The following ARHGAP26 variants were observed in gnomAD, a reference collection of about 807,000 sequenced individuals.
ARHGAP26 encodes the protein rho GTPase-activating protein 26.
A neutral mutation model predicts 104.8 loss-of-function variants in ARHGAP26; 38 were observed. That is an observed-to-expected ratio of 0.36 (90% CI 0.28 to 0.48). The LOEUF is 0.48. ARHGAP26 is among the 20% of genes least tolerant of loss of function. ARHGAP26 has a pLI of 0.99. For missense variants in ARHGAP26, 704 were observed against 947.9 expected (o/e 0.74, Z 3.38); for synonymous variants, 341 against 340.0 (o/e 1.00, Z -0.03).
chr5:142,958,841 A>G (rs1769687695), intron 11 of ARHGAP26, among the ~76,000 whole-genome samples: 1 of 151,426 alleles, frequency 6.6e-6, no homozygotes, highest in Non-Finnish European at 1.5e-5. Flanking sequence ...GGCCAGGGCC[A>G]GAGGATCACT....
chr5:142,828,694 A>T (rs867480716), intron 1 of ARHGAP26, among the ~76,000 whole-genome samples: 1 of 152,154 alleles, frequency 6.6e-6, no homozygotes, highest in Non-Finnish European at 1.5e-5. Context: ...GGTTGCTGTG[A>T]CTGGGGTAGT....
At chr5:143,107,752 G>C (rs947825882) in intron 17 of ARHGAP26, among the ~76,000 whole-genome samples, 6 of 152,128 alleles carry the variant, frequency 3.9e-5, no homozygotes, top group Non-Finnish European at 7.3e-5. Context: ...GACACGATCT[G>C]CTCTTCTCTG....
chr5:142,963,535 T>C (rs781685315), intron 11 of ARHGAP26, among the ~76,000 whole-genome samples: 15 of 152,104 alleles, frequency 9.9e-5, no homozygotes, highest in Non-Finnish European at 1.5e-4. Flanking sequence ...TACTTTTTAA[T>C]ATAGGAAGGC....
chr5:142,932,022 A>G, intron 10 of ARHGAP26, 25 bp from the exon 11 acceptor site: 1 of 1,610,882 alleles, frequency 6.2e-7, no homozygotes, highest in Non-Finnish European at 8.5e-7. Context: ...CTGGTTTCAT[A>G]TCCATGTCCC....
At chr5:143,094,651 G>A (rs992829890) in intron 17 of ARHGAP26, among the ~76,000 whole-genome samples, 2 of 152,256 alleles carry the variant, frequency 1.3e-5, no homozygotes, top group African/African-American at 2.4e-5. Flanking sequence ...ACTTGGACAA[G>A]GGAGGGGAAA....
At chr5:142,795,180 G>C (rs1760737053) in intron 1 of ARHGAP26, among the ~76,000 whole-genome samples, 1 of 151,530 alleles carries the variant, frequency 6.6e-6, no homozygotes. Context: ...ATAGACCTGG[G>C]TTCCAGTCCT....
Position 143,048,107 on chromosome 5 carries a change from C to A in ARHGAP26, c.1285+6217C>A, listed in dbSNP as rs150600242. On this transcript the variant is annotated intron_variant, in intron 14 of 22. Transcript: ENST00000645722. ...CAAGTGATCCACCCACCTTGGCCTC[C>A]CAAAGTGCTGGGATTATAAGGCGTG... Among the ~76,000 whole-genome samples, 2 of 152,188 alleles carry A rather than the reference C, an allele frequency of 1.3e-5. 1 individual carries two copies. The highest frequency in any genetic ancestry group is 4.1e-4 in the South Asian group (2 of 4,826).
At chr5:143,035,060 T>C (rs1782414745) in intron 12 of ARHGAP26, among the ~76,000 whole-genome samples, 1 of 152,222 alleles carries the variant, frequency 6.6e-6, no homozygotes, top group Non-Finnish European at 1.5e-5. Flanking sequence ...GTTTTTCTGT[T>C]TCTTTTCTGG....
intron 1 of ARHGAP26, among the ~76,000 whole-genome samples, chr5:142,849,646 C>T (rs1443172763): frequency 6.6e-6 from 1 of 152,162 alleles, no homozygotes; most frequent in Non-Finnish European, 1.5e-5. Flanking sequence ...CTCTCCAGTC[C>T]CTAGCTTCTG....
chr5:143,066,544 G>T (rs1215065433), intron 17 of ARHGAP26, among the ~76,000 whole-genome samples: 1 of 152,166 alleles, frequency 6.6e-6, no homozygotes, highest in East Asian at 1.9e-4. Flanking sequence ...AGAAATCCGG[G>T]AACGGGAGAA....
chr5:143,063,093 C>G (rs1281255190), intron 17 of ARHGAP26, among the ~76,000 whole-genome samples: 1 of 152,226 alleles, frequency 6.6e-6, no homozygotes, highest in Non-Finnish European at 1.5e-5. Context: ...TGCAGGATTG[C>G]TTGGCCGCTG....
At chr5:143,098,770 C>T (rs1792791882) in intron 17 of ARHGAP26, among the ~76,000 whole-genome samples, 1 of 152,064 alleles carries the variant, frequency 6.6e-6, no homozygotes, top group Non-Finnish European at 1.5e-5. Flanking sequence ...ATAACTTCTC[C>T]CTCATAGAAA....
chr5:143,226,485 GAAAAAAA>G lies in ARHGAP26; in HGVS notation c.*4054_*4060del, dbSNP rs57822966. 4.0e-4 allele frequency: 56 copies of G among 140,718 alleles called. No homozygotes were observed. The highest frequency in any genetic ancestry group is 1.3e-3 in the East Asian group (12 of 9,404). The allele number at this position is 140,718 out of a possible 1,614,324, so 8.7% of individuals were successfully genotyped here. On this transcript the variant is annotated 3_prime_UTR_variant, in exon 23 of 23. Transcript: ENST00000645722. ...GACAGAGCCAGACTCCGTCTCAAAG[GAAAAAAA>G]AAAAAAAAAAAAAAGAATGCCATGC...
At chr5:142,896,181 G>T (rs153168) in intron 6 of ARHGAP26, among the ~76,000 whole-genome samples, 71,078 of 152,152 alleles carry the variant, frequency 0.47, 20,132 homozygotes, top group East Asian at 0.91. Context: ...GGGCAGGAAT[G>T]CAAATGCTGT....
At chr5:142,971,978 C>G (rs561498104) in intron 11 of ARHGAP26, among the ~76,000 whole-genome samples, 5 of 152,070 alleles carry the variant, frequency 3.3e-5, no homozygotes, top group African/African-American at 1.2e-4. Flanking sequence ...GGTCAGGAGT[C>G]CGAGACCAGC....
intron 11 of ARHGAP26, among the ~76,000 whole-genome samples, chr5:142,958,791 G>A (rs1453876524): frequency 2.7e-5 from 4 of 150,894 alleles, no homozygotes; most frequent in African/African-American, 4.9e-5. Flanking sequence ...AACATAGGCC[G>A]GGTGCAGTGG....
intron 5 of ARHGAP26, among the ~76,000 whole-genome samples, chr5:142,890,187 T>TAC (rs1284032654): frequency 1.8e-4 from 21 of 116,762 alleles, no homozygotes; most frequent in Non-Finnish European, 3.5e-4. Flanking sequence ...TATATATATA[T>TAC]ATATATATAT....
At chr5:142,929,225 C>T (rs182338122) in intron 10 of ARHGAP26, among the ~76,000 whole-genome samples, 11 of 152,300 alleles carry the variant, frequency 7.2e-5, no homozygotes, top group South Asian at 6.2e-4. Flanking sequence ...TTAGTCACTG[C>T]GCCCGGCCTA....
At chr5:143,022,103 C>A (rs1262389115) in intron 12 of ARHGAP26, among the ~76,000 whole-genome samples, 1 of 151,580 alleles carries the variant, frequency 6.6e-6, no homozygotes, top group Admixed American at 6.6e-5. Context: ...TTTTTTGAGA[C>A]CCCTGTCACC....
Sources: gnomAD v4.1 joint callset for allele counts (sites outside exome capture counted in the v4.1 genomes callset) on GRCh38, gnomAD v4.1.1 for gene constraint, MANE v1.5 for transcripts, NCBI Gene and HGNC (gene_info 2026-07-23, HGNC 2026-07-21) for gene names.